The following BICD2 variants were observed in gnomAD, a reference collection of about 807,000 sequenced individuals.
BICD2 encodes the protein protein bicaudal D homolog 2.
Under a neutral mutation model 72.9 loss-of-function variants are expected in BICD2, and 25 were observed. The observed-to-expected ratio is 0.34, with a 90% CI of 0.25 to 0.48. The LOEUF is 0.48. Ranked by LOEUF, BICD2 falls within the 20% of genes least tolerant of loss-of-function variation. BICD2 has a pLI of 0.99. For synonymous variants in BICD2, 501 were observed against 516.1 expected (o/e 0.97, Z 0.40); for missense variants, 894 against 1,175.2 (o/e 0.76, Z 3.50).
At position 92,719,531 on chromosome 9, in the gene BICD2, G is replaced by C; in HGVS notation, c.1114C>G (p.Gln372Glu). 1 of 1,612,790 alleles carries C rather than the reference G, an allele frequency of 6.2e-7. No homozygotes were observed. Residue 372 changes from glutamine (Q) to glutamate (E), a missense_variant, in exon 5 of 7, where the codon CAG becomes GAG. Physicochemically the swap from Gln to Glu is conservative, Grantham distance 29 (BLOSUM62 2). This residue lies in a region of BICD2 where 371 missense variants were observed against 439.1 expected (regional missense o/e 0.84). Coordinates refer to ENST00000356884, the MANE Select transcript of BICD2 (RefSeq NM_001003800.2). Reference protein sequence around the residue: ...LLATLQDTQKQLEHTRGSLSE... With the variant: ...LLATLQDTQKELEHTRGSLSE... The stretch of plus-strand genomic sequence containing the variant: ...AGGGAGCCCCGCGTGTGCTCCAGCT[G>C]CTTCTGTGTGTCCTGCAGCGTTGCC...
At chr9:92,734,530 A>AG (rs1376982407) in intron 1 of BICD2, among the ~76,000 whole-genome samples, 18 of 150,738 alleles carry the variant, frequency 1.2e-4, no homozygotes, top group East Asian at 9.7e-4. Context: ...AAAAAAAAAA[A>AG]AGAGAGAAGA....
In BICD2 at chr9:92,717,910, A is replaced by G. The variant is rs1042399429; in HGVS notation, c.2145T>C (p.Tyr715=). 50 of 1,613,504 alleles carry G rather than the reference A, an allele frequency of 3.1e-5. No homozygotes were observed. Among genetic ancestry groups the G allele is most frequent in the Non-Finnish European group, 4.1e-5 (48 of 1,179,998 alleles). The change falls in exon 6 of 7, where the codon TAT becomes TAC. Residue 715 remains tyrosine, a synonymous_variant. Transcript: ENST00000356884. ...EVALANLKSK[Y]ENEKAMVTET... is the part of the protein sequence containing the mutation. ...CGGTAACCATGGCCTTCTCATTCTC[A>G]TACTTGCTCTTCAGGTTGGCAAGGG... is the stretch of plus-strand genomic sequence containing the variant.
At chr9:92,745,307 A>G (rs1191832080) in intron 1 of BICD2, among the ~76,000 whole-genome samples, 1 of 151,936 alleles carries the variant, frequency 6.6e-6, no homozygotes, top group Non-Finnish European at 1.5e-5. Context: ...GGAGGGAGGT[A>G]TAGTTGGGAG....
chr9:92,719,489 TCTC>T lies in BICD2; in HGVS notation c.1153_1155del (p.Glu385del). On this transcript the variant is annotated inframe_deletion, in exon 5 of 7. Coordinates refer to ENST00000356884, the MANE Select transcript of BICD2 (RefSeq NM_001003800.2). Reference sequence around the variant, plus strand: ...AGATTCTCTGTGAGGCGGGTCACCTTCTCCTGCTGTTCTGACAGGGAGCCCCGC... The same window carrying T: ...AGATTCTCTGTGAGGCGGGTCACCTTCTGCTGTTCTGACAGGGAGCCCCGC... The T allele has an allele frequency of 1.9e-6, 3 of 1,613,960 alleles. No homozygotes were observed. Among genetic ancestry groups the T allele is most frequent in the Non-Finnish European group, 1.7e-6 (2 of 1,179,998 alleles).
rs969980084 is a variant in BICD2, at chr9:92,713,832, A to T, written c.*1322T>A. ...AAACATACTCGGCACCAAAGGGAAG[A>T]ACGCGCAGGGCAGAGAGCTGTGGGA... On this transcript the variant is annotated 3_prime_UTR_variant, in exon 7 of 7. Coordinates refer to ENST00000356884, the MANE Select transcript of BICD2 (RefSeq NM_001003800.2). 2 of 1,094,864 alleles carry T rather than the reference A, an allele frequency of 1.8e-6. No homozygotes were observed. Among genetic ancestry groups the T allele is most frequent in the African/African-American group, 3.2e-5 (2 of 61,564 alleles). The allele number at this position is 1,094,864 out of a possible 1,614,324, so 67.8% of individuals were successfully genotyped here. A position where few individuals can be genotyped will look rare whatever the true frequency, so the allele number is the denominator to read the frequency against.
Position 92,717,820 on chromosome 9 carries a change from CGAG to C in BICD2, c.2232_2234del (p.Ser745del), listed in dbSNP as rs1853348753. ...ACCTGGTGGCAAACATAGCACGCAG[CGAG>C]GAGAAGGTGGCTGCGTCCTCCTTGA... is the stretch of plus-strand genomic sequence containing the variant. On this transcript the variant is annotated inframe_deletion, in exon 6 of 7. Transcript: ENST00000356884. The C allele has an allele frequency of 1.9e-6, 3 of 1,611,326 alleles. No individual in the cohort carries two copies. The highest frequency in any genetic ancestry group is 2.5e-6 in the Non-Finnish European group (3 of 1,179,544).
At chr9:92,719,613 T>G in intron 4 of BICD2, 31 bp from the exon 5 acceptor site, 2 of 1,552,470 alleles carry the variant, frequency 1.3e-6, no homozygotes, top group Non-Finnish European at 1.7e-6. Flanking sequence ...GGACACCATG[T>G]CAGTTGCTAT....
At chr9:92,742,752 C>T (rs1209845988) in intron 1 of BICD2, among the ~76,000 whole-genome samples, 1 of 152,140 alleles carries the variant, frequency 6.6e-6, no homozygotes, top group Admixed American at 6.5e-5. Context: ...TCAGCTCTCC[C>T]CACTGCCATC....
At chr9:92,727,301 G>T (rs533274351) in intron 2 of BICD2, among the ~76,000 whole-genome samples, 1 of 152,182 alleles carries the variant, frequency 6.6e-6, no homozygotes, top group African/African-American at 2.4e-5. Context: ...CTGACCTCCC[G>T]TAAGATTATC....
Position 92,719,268 on chromosome 9 carries a change from C to A in BICD2, c.1377G>T (p.Thr459=), listed in dbSNP as rs768159358. ...LREQLKALRS[T]HEAREAQHAE... ...CGTGCTGGGCCTCACGAGCCTCGTGCGTGCTGCGCAGTGCCTTGAGCTGCT... is the reference window on the plus strand; with the variant it reads ...CGTGCTGGGCCTCACGAGCCTCGTGAGTGCTGCGCAGTGCCTTGAGCTGCT... Residue 459 remains threonine, a synonymous_variant, in exon 5 of 7, where the codon ACG becomes ACT. Transcript: ENST00000356884. 3.1e-6 allele frequency: 5 copies of A among 1,613,514 alleles called. No individual in the cohort carries two copies. The highest frequency in any genetic ancestry group is 1.7e-5 in the Admixed American group (1 of 60,004).
At chr9:92,736,708 A>T (rs1415411830) in intron 1 of BICD2, among the ~76,000 whole-genome samples, 1 of 152,190 alleles carries the variant, frequency 6.6e-6, no homozygotes, top group Non-Finnish European at 1.5e-5. Context: ...TGGGATCTGG[A>T]TCAGCACCAC....
Position 92,713,265 on chromosome 9 carries a change from C to A in BICD2, c.*1889G>T, listed in dbSNP as rs756924204. 4.5e-6 allele frequency: 3 copies of A among 667,098 alleles called. No homozygotes were observed. Among genetic ancestry groups the A allele is most frequent in the Non-Finnish European group, 7.6e-6 (3 of 392,948 alleles). The allele number at this position is 667,098 out of a possible 1,614,324, so 41.3% of individuals were successfully genotyped here. ...ACGCAGCAGCTCGCAGCATGCTCAA[C>A]ATTAAAGCTTTTTTTCCTCCCATTA... On this transcript the variant is annotated 3_prime_UTR_variant, in exon 7 of 7. Transcript: ENST00000356884.
intron 1 of BICD2, among the ~76,000 whole-genome samples, chr9:92,756,888 AAG>A (rs1051903233): frequency 2.6e-5 from 4 of 151,442 alleles, no homozygotes; most frequent in Non-Finnish European, 5.9e-5. Flanking sequence ...AAGGAAATAA[AAG>A]AGAAAGACAA....
intron 2 of BICD2, among the ~76,000 whole-genome samples, chr9:92,727,695 T>G (rs577400737): frequency 1.3e-3 from 197 of 152,298 alleles, no homozygotes; most frequent in African/African-American, 4.4e-3. Flanking sequence ...CAGAAGGCAC[T>G]GGCCCCTCTT....
chr9:92,718,230 G>A (rs1218476218), intron 5 of BICD2, among the ~76,000 whole-genome samples: 22 of 152,220 alleles, frequency 1.4e-4, no homozygotes. Context: ...TCAGACTATG[G>A]CTCTCACATG....
intron 1 of BICD2, among the ~76,000 whole-genome samples, chr9:92,733,963 T>A (rs914295486): frequency 2.0e-5 from 3 of 151,322 alleles, no homozygotes; most frequent in African/African-American, 7.3e-5. Flanking sequence ...CAAGACTCCG[T>A]CTTAAAAAAA....
chr9:92,714,980 G>A lies in BICD2; in HGVS notation c.*174C>T, dbSNP rs554742961. On this transcript the variant is annotated 3_prime_UTR_variant, in exon 7 of 7. Coordinates refer to ENST00000356884, the MANE Select transcript of BICD2 (RefSeq NM_001003800.2). The stretch of plus-strand genomic sequence containing the variant: ...GAGGGGGCTTTGAGGAGTGAGAAGC[G>A]ACACAAAGCTCTCACAAGTGTCCTG... 5.2e-4 allele frequency: 728 copies of A among 1,403,008 alleles called. 9 individuals carry two copies. The South Asian group carries it at 0.011, about 21-fold the overall frequency. 86.9% of individuals were successfully genotyped at this position (1,403,008 alleles called of 1,614,324 possible). A position where few individuals can be genotyped will look rare whatever the true frequency, so the allele number is the denominator to read the frequency against.
In BICD2 at chr9:92,764,448, G is replaced by T; in HGVS notation, c.240+57C>A. On this transcript the variant is annotated intron_variant, in intron 1 of 6. Coordinates refer to ENST00000356884, the MANE Select transcript of BICD2 (RefSeq NM_001003800.2). The surrounding 1 kb of genome is among the most constrained non-coding windows in gnomAD (Gnocchi z 5.5). ...CCTTGGCCGCCCTGGTGCCAGGGAC[G>T]ACGCCCACAGGCCCCGGCGCCGGGC... 2 of 1,423,004 alleles carry T rather than the reference G, an allele frequency of 1.4e-6. No homozygotes were observed. The highest frequency in any genetic ancestry group is 9.2e-7 in the Non-Finnish European group (1 of 1,084,662). The allele number at this position is 1,423,004 out of a possible 1,614,324, so 88.1% of individuals were successfully genotyped here.
Position 92,714,021 on chromosome 9 carries a change from C to T in BICD2, c.*1133G>A. Reference sequence around the variant, plus strand: ...AAGTTCTGCTCAGAATGTGGGAAGGCAGGTGTGGATGGAGCCTCTGGAAAT... The same window carrying T: ...AAGTTCTGCTCAGAATGTGGGAAGGTAGGTGTGGATGGAGCCTCTGGAAAT... On this transcript the variant is annotated 3_prime_UTR_variant, in exon 7 of 7. Transcript: ENST00000356884. 1.0e-6 allele frequency: 1 copy of T among 986,702 alleles called. No individual in the cohort carries two copies. Among genetic ancestry groups the T allele is most frequent in the Non-Finnish European group, 1.2e-6 (1 of 830,784 alleles). 61.1% of individuals were successfully genotyped at this position (986,702 alleles called of 1,614,324 possible). A position where few individuals can be genotyped will look rare whatever the true frequency, so the allele number is the denominator to read the frequency against.
Sources: allele counts gnomAD v4.1 joint callset (sites outside exome capture counted in the v4.1 genomes callset), GRCh38; gene constraint gnomAD v4.1.1; regional missense constraint gnomAD v4.1.1; non-coding constraint Gnocchi (gnomAD v3.1); transcripts MANE v1.5; gene names NCBI Gene and HGNC (gene_info 2026-07-23, HGNC 2026-07-21).